KIRREL3: variants seen among roughly 807,000 people sequenced by gnomAD.
KIRREL3 encodes kirre like nephrin family adhesion molecule 3, also known as kin of IRRE-like protein 3.
In KIRREL3, 36 loss-of-function variants were observed where a neutral mutation model predicts 89.7. The ratio of observed to expected loss-of-function variants is 0.40; its 90% CI spans 0.31 to 0.53. The LOEUF (loss-of-function observed/expected upper bound fraction) is 0.53, where lower values mean the gene tolerates loss of function less well. Ranked by LOEUF, KIRREL3 falls within the 20% of genes least tolerant of loss-of-function variation. KIRREL3 has a pLI of 0.49. For synonymous variants in KIRREL3, 445 were observed against 441.4 expected, an observed-to-expected ratio of 1.01 and a Z score of -0.10; for missense variants, 864 against 1,056.6, an observed-to-expected ratio of 0.82 and a Z score of 2.53.
At chr11:126,863,586 TG>T (rs1019346135) in intron 1 of KIRREL3, among the ~76,000 whole-genome samples, 5 of 146,944 alleles carry the variant, frequency 3.4e-5, no homozygotes. Flanking sequence ...CGTGTGAGTG[TG>T]TGTTTGAGTG....
chr11:126,899,742 G>A (rs937048318), intron 1 of KIRREL3, among the ~76,000 whole-genome samples: 1 of 152,234 alleles, frequency 6.6e-6, no homozygotes. Flanking sequence ...TAGGAAGGTT[G>A]GTTAGCTAGG....
intron 1 of KIRREL3, among the ~76,000 whole-genome samples, chr11:126,880,441 C>T (rs1016363426): frequency 6.6e-6 from 1 of 152,176 alleles, no homozygotes; most frequent in Non-Finnish European, 1.5e-5. Context: ...ACTGCCACAT[C>T]AGAAGAGCTC....
At chr11:126,466,717 T>C (rs1216957721) in intron 5 of KIRREL3, among the ~76,000 whole-genome samples, 1 of 152,206 alleles carries the variant, frequency 6.6e-6, no homozygotes, top group Non-Finnish European at 1.5e-5. Flanking sequence ...CATTCTATCA[T>C]CTGCAGGTTC....
chr11:126,781,898 T>G (rs1414719690), intron 1 of KIRREL3, among the ~76,000 whole-genome samples: 1 of 152,264 alleles, frequency 6.6e-6, no homozygotes, highest in Non-Finnish European at 1.5e-5. Flanking sequence ...GTGGGGTTGC[T>G]GAAAATTTCC....
intron 1 of KIRREL3, among the ~76,000 whole-genome samples, chr11:126,717,343 T>C: frequency 6.6e-6 from 1 of 151,796 alleles, no homozygotes; most frequent in East Asian, 1.9e-4. Context: ...TTATAGTTTA[T>C]AAACTCAAGT....
At chr11:126,440,883 G>A (rs1955538307) in intron 10 of KIRREL3, 1 of 370,268 alleles carries the variant, frequency 2.7e-6, no homozygotes, top group Non-Finnish European at 5.0e-6. Context: ...ATTCTATCTG[G>A]CGGACGGGGA....
rs1005761911 is a variant in KIRREL3, at chr11:126,791,201, C to G, written c.55+209254G>C. On this transcript the variant is annotated intron_variant, in intron 1 of 16. Transcript: ENST00000525144. This position sits in a 1 kb window ranked among gnomAD's most constrained non-coding sequence, Gnocchi z 4.8. ...GAAGAAAAGTCTGTGTTTAGGAAAC[C>G]TCTTATTGAGGAAAGAGTACATTTT... Among the ~76,000 whole-genome samples, 24 of 152,142 alleles carry G rather than the reference C, an allele frequency of 1.6e-4. No individual in the cohort carries two copies. The highest frequency in any genetic ancestry group is 5.6e-4 in the African/African-American group (23 of 41,424).
rs1282417472 is a variant in KIRREL3 at position 126,605,835 on chromosome 11, A to AG, written c.56-42924dup. ...ATGGTCCCTCTTGGGAGTTAAGCAG[A>AG]GGGAGTCCTCTCATTGCATCTTTCC... On this transcript the variant is annotated intron_variant, in intron 1 of 16. Coordinates refer to ENST00000525144, the MANE Select transcript of KIRREL3 (RefSeq NM_032531.4). The surrounding 1 kb of genome is among the most constrained non-coding windows in gnomAD (Gnocchi z 5.7). Among the ~76,000 whole-genome samples, 1 of 152,198 alleles carries AG rather than the reference A, an allele frequency of 6.6e-6. No individual in the cohort carries two copies. The highest frequency in any genetic ancestry group is 2.4e-5 in the African/African-American group (1 of 41,436).
chr11:126,856,698 C>G (rs943860362), intron 1 of KIRREL3, among the ~76,000 whole-genome samples: 1 of 151,636 alleles, frequency 6.6e-6, no homozygotes, highest in African/African-American at 2.4e-5. Context: ...TCACTGCAAG[C>G]TCTGCCTCCT....
At chr11:126,503,793 T>C (rs1416136126) in intron 4 of KIRREL3, among the ~76,000 whole-genome samples, 1 of 150,032 alleles carries the variant, frequency 6.7e-6, no homozygotes, top group African/African-American at 2.4e-5. Flanking sequence ...CTCCCTCTCC[T>C]TCTCTCTCTG....
chr11:126,707,133 TG>T (rs938356448), intron 1 of KIRREL3, among the ~76,000 whole-genome samples: 15 of 152,154 alleles, frequency 9.9e-5, no homozygotes, highest in African/African-American at 3.6e-4. Context: ...TTAAATTTTT[TG>T]TTGAGATGGG....
At chr11:126,813,770 CAA>C (rs138822412) in intron 1 of KIRREL3, among the ~76,000 whole-genome samples, 251 of 129,364 alleles carry the variant, frequency 1.9e-3, no homozygotes, top group Non-Finnish European at 2.5e-3. Context: ...GAAACAAAGG[CAA>C]AAAAAAAAAA....
intron 1 of KIRREL3, among the ~76,000 whole-genome samples, chr11:126,598,152 T>C (rs768824681): frequency 5.3e-5 from 8 of 152,196 alleles, no homozygotes; most frequent in Non-Finnish European, 8.8e-5. Context: ...TGGTGAAGCG[T>C]TCAGTGACTT....
At chr11:126,702,800 T>C (rs1244241032) in intron 1 of KIRREL3, among the ~76,000 whole-genome samples, 1 of 152,128 alleles carries the variant, frequency 6.6e-6, no homozygotes, top group African/African-American at 2.4e-5. Flanking sequence ...AGAGAGTGTG[T>C]GTGTCTGATC....
chr11:126,619,325 G>A (rs1429963926), intron 1 of KIRREL3, among the ~76,000 whole-genome samples: 1 of 152,242 alleles, frequency 6.6e-6, no homozygotes, highest in African/African-American at 2.4e-5. Context: ...CAATCAACTA[G>A]GGGGAGAATG....
At chr11:126,592,893 C>T (rs1942213591) in intron 1 of KIRREL3, among the ~76,000 whole-genome samples, 1 of 152,218 alleles carries the variant, frequency 6.6e-6, no homozygotes, top group South Asian at 2.1e-4. Context: ...CCGATGCAGG[C>T]TGCCGCTGGG....
rs1176506655 is a variant in KIRREL3 at position 126,912,093 on chromosome 11, G to A, written c.55+88362C>T. ...ACATACTCATGGAGAGCCCCAAATC[G>A]TCCTTCAGACCCCTGGCAGTCTGGA... On this transcript the variant is annotated intron_variant, in intron 1 of 16. Transcript: ENST00000525144. This position sits in a 1 kb window ranked among gnomAD's most constrained non-coding sequence, Gnocchi z 4.7. Among the ~76,000 whole-genome samples, 2 of 151,710 alleles carry A rather than the reference G, an allele frequency of 1.3e-5. No homozygotes were observed. The highest frequency in any genetic ancestry group is 4.8e-5 in the African/African-American group (2 of 41,294).
At chr11:126,988,050 T>A (rs1397418938) in intron 1 of KIRREL3, among the ~76,000 whole-genome samples, 1 of 152,244 alleles carries the variant, frequency 6.6e-6, no homozygotes, top group Admixed American at 6.5e-5. Context: ...TTTTTACTAT[T>A]CTAGACTTGA....
intron 1 of KIRREL3, among the ~76,000 whole-genome samples, chr11:126,616,554 A>G (rs1358696777): frequency 6.6e-6 from 1 of 152,222 alleles, no homozygotes; most frequent in Admixed American, 6.5e-5. Context: ...CTTAAAATAC[A>G]TCATCCCATT....
Sources: allele counts gnomAD v4.1 joint callset (sites outside exome capture counted in the v4.1 genomes callset), GRCh38; gene constraint gnomAD v4.1.1; non-coding constraint Gnocchi (gnomAD v3.1); transcripts MANE v1.5; gene names NCBI Gene and HGNC (gene_info 2026-07-23, HGNC 2026-07-21).